The following XYLT1 variants were observed in gnomAD, a reference collection of about 807,000 sequenced individuals.
XYLT1 encodes xylosyltransferase 1.
In XYLT1, 36 loss-of-function variants were observed where a neutral mutation model predicts 91.3. The observed-to-expected ratio is 0.39, with a 90% confidence interval of 0.30 to 0.52. XYLT1 has a LOEUF of 0.52. XYLT1 is among the 20% of genes least tolerant of loss of function. XYLT1 has a pLI of 0.68. For synonymous variants in XYLT1, 588 were observed against 532.0 expected, an observed-to-expected ratio of 1.11 and a Z score of -1.45; for missense variants, 1,242 against 1,284.5, an observed-to-expected ratio of 0.97 and a Z score of 0.51.
chr16:17,232,229 T>C (rs2033169458), intron 3 of XYLT1, among the ~76,000 whole-genome samples: 1 of 100,570 alleles, frequency 9.9e-6, no homozygotes, highest in Non-Finnish European at 1.9e-5. Context: ...CACCTTCATA[T>C]TTGATTATAT....
intron 1 of XYLT1, among the ~76,000 whole-genome samples, chr16:17,363,138 G>C (rs912667602): frequency 6.6e-6 from 1 of 152,146 alleles, no homozygotes; most frequent in Non-Finnish European, 1.5e-5. Context: ...CTCATGACTC[G>C]AGCCTGCTGG....
chr16:17,322,794 T>A (rs971369259), intron 2 of XYLT1, among the ~76,000 whole-genome samples: 1 of 152,148 alleles, frequency 6.6e-6, no homozygotes, highest in Non-Finnish European at 1.5e-5. Flanking sequence ...AACCCAACAC[T>A]TGTGCAAGTG....
intron 1 of XYLT1, among the ~76,000 whole-genome samples, chr16:17,464,026 T>TA (rs961513856): frequency 5.9e-5 from 9 of 151,994 alleles, no homozygotes; most frequent in Admixed American, 1.3e-4. Flanking sequence ...ATGTAGGAGC[T>TA]AAAAAAAGTA....
At chr16:17,400,416 C>T (rs1033220318) in intron 1 of XYLT1, among the ~76,000 whole-genome samples, 2 of 152,010 alleles carry the variant, frequency 1.3e-5, no homozygotes, top group African/African-American at 4.8e-5. Context: ...ATGGTAAAAC[C>T]CTGTCTCTAC....
intron 3 of XYLT1, among the ~76,000 whole-genome samples, chr16:17,256,816 T>C (rs924429424): frequency 1.3e-5 from 2 of 152,238 alleles, no homozygotes; most frequent in African/African-American, 4.8e-5. Context: ...AAGCCTTGCA[T>C]GGCTCCCGGA....
intron 9 of XYLT1, among the ~76,000 whole-genome samples, chr16:17,129,404 G>C (rs889773722): frequency 3.3e-5 from 5 of 152,136 alleles, no homozygotes; most frequent in Admixed American, 3.3e-4. Context: ...TGGGATTACA[G>C]GCATCAGCCA....
chr16:17,438,790 AACTC>A (rs1321418485), intron 1 of XYLT1, among the ~76,000 whole-genome samples: 2 of 151,998 alleles, frequency 1.3e-5, no homozygotes, highest in Non-Finnish European at 2.9e-5. Context: ...ATCTCATGAG[AACTC>A]ACTCATTATC....
chr16:17,456,733 C>T (rs1382420508), intron 1 of XYLT1, among the ~76,000 whole-genome samples: 3 of 152,178 alleles, frequency 2.0e-5, no homozygotes, highest in African/African-American at 4.8e-5. Context: ...ATTTGACACA[C>T]AGGCTCCTGA....
At chr16:17,273,079 G>A (rs979297204) in intron 2 of XYLT1, among the ~76,000 whole-genome samples, 10 of 152,168 alleles carry the variant, frequency 6.6e-5, no homozygotes, top group South Asian at 2.1e-4. Context: ...TCTTCTGAAC[G>A]TCCCCAGATG....
chr16:17,306,596 A>T (rs538239242), intron 2 of XYLT1, among the ~76,000 whole-genome samples: 111 of 150,838 alleles, frequency 7.4e-4, no homozygotes, highest in Non-Finnish European at 1.2e-3. Flanking sequence ...AGTCTAAGTA[A>T]GATACAATTC....
rs561505974 is a variant in XYLT1 at position 17,236,160 on chromosome 16, A to G, written c.913+22828T>C. Among the ~76,000 whole-genome samples, 65 of 152,266 alleles carry G rather than the reference A, an allele frequency of 4.3e-4. 1 individual carries two copies. Among genetic ancestry groups the G allele is most frequent in the African/African-American group, 1.5e-3 (63 of 41,544 alleles). Reference sequence around the variant, plus strand: ...AGGCTTAAGGTTGCTAGATCTTTCCATTTATCTTGAGGGAAGCTGGAGATC... The same window carrying G: ...AGGCTTAAGGTTGCTAGATCTTTCCGTTTATCTTGAGGGAAGCTGGAGATC... On this transcript the variant is annotated intron_variant, in intron 3 of 11. Transcript: ENST00000261381.
chr16:17,292,081 T>TACACACACACAC (rs10568382), intron 2 of XYLT1, among the ~76,000 whole-genome samples: 2 of 148,984 alleles, frequency 1.3e-5, no homozygotes, highest in African/African-American at 4.9e-5. Flanking sequence ...CACTAAACCA[T>TACACACACACAC]ACACACACAC....
intron 5 of XYLT1, among the ~76,000 whole-genome samples, chr16:17,170,934 G>T (rs997216914): frequency 1.3e-5 from 2 of 152,126 alleles, no homozygotes; most frequent in Non-Finnish European, 2.9e-5. Flanking sequence ...TTTTTAGCTA[G>T]TCGATGCTCA....
At chr16:17,409,767 C>T (rs2036084327) in intron 1 of XYLT1, among the ~76,000 whole-genome samples, 1 of 151,948 alleles carries the variant, frequency 6.6e-6, no homozygotes, top group African/African-American at 2.4e-5. Context: ...CCATGCTGGT[C>T]TCGAACTCCT....
intron 1 of XYLT1, among the ~76,000 whole-genome samples, chr16:17,379,389 C>G (rs915627298): frequency 4.6e-5 from 7 of 152,176 alleles, no homozygotes; most frequent in African/African-American, 1.7e-4. Context: ...TCAGGGAGGC[C>G]GACTAAGAGA....
intron 2 of XYLT1, among the ~76,000 whole-genome samples, chr16:17,313,402 T>A (rs1567369667): frequency 6.6e-6 from 1 of 152,198 alleles, no homozygotes; most frequent in African/African-American, 2.4e-5. Context: ...AAGCCAGCCT[T>A]GGCAGCCAGC....
intron 1 of XYLT1, among the ~76,000 whole-genome samples, chr16:17,424,867 C>CAAAAAA (rs57342754): frequency 1.3e-5 from 1 of 76,150 alleles, no homozygotes; most frequent in Non-Finnish European, 2.5e-5. Flanking sequence ...GACTCCATCT[C>CAAAAAA]AAAAAAAAAA....
At chr16:17,394,838 G>T (rs1240175184) in intron 1 of XYLT1, among the ~76,000 whole-genome samples, 1 of 152,126 alleles carries the variant, frequency 6.6e-6, no homozygotes, top group Non-Finnish European at 1.5e-5. Context: ...AGCATTTGTT[G>T]GGCTGGGCAT....
intron 5 of XYLT1, among the ~76,000 whole-genome samples, chr16:17,187,561 T>G: frequency 1.1e-5 from 1 of 92,514 alleles, no homozygotes; most frequent in African/African-American, 5.5e-5. Context: ...AGCCAAACGC[T>G]GTCTCAAAAA....
Sources: gnomAD v4.1 joint callset for allele counts (sites outside exome capture counted in the v4.1 genomes callset) on GRCh38, gnomAD v4.1.1 for gene constraint, MANE v1.5 for transcripts, NCBI Gene and HGNC (gene_info 2026-07-23, HGNC 2026-07-21) for gene names.